EPHB1: variants seen among roughly 807,000 people sequenced by gnomAD.
EPHB1 encodes ephrin type-B receptor 1.
EPHB1 carries 30 observed loss-of-function variants against 94.4 expected under a neutral mutation model. The ratio of observed to expected loss-of-function variants is 0.32; its 90% confidence interval spans 0.24 to 0.43. The LOEUF (loss-of-function observed/expected upper bound fraction) is 0.43. Among genes scored for constraint, EPHB1 ranks in the 20% least tolerant of loss-of-function variants. The pLI is 1.00. For synonymous variants in EPHB1, 522 were observed against 489.1 expected (o/e 1.07, Z -0.89); for missense variants, 1,055 against 1,308.3 (o/e 0.81, Z 2.99).
rs878950816 is a variant in EPHB1 at position 134,810,242 on chromosome 3, A to G, written c.58+14553A>G. The stretch of plus-strand genomic sequence containing the variant: ...GTTTTTGGCAATTAACATTCTTTCC[A>G]TTCACGGGCTTGAAGCGTGGGTAGC... On this transcript the variant is annotated intron_variant, in intron 1 of 15. Coordinates refer to ENST00000398015, the MANE Select transcript of EPHB1 (RefSeq NM_004441.5). Among the ~76,000 whole-genome samples the G allele has an allele frequency of 2.0e-5, 3 of 151,146 alleles. No individual in the cohort carries two copies. In the East Asian group the frequency reaches 5.8e-4, roughly 29 times the overall value.
chr3:135,182,581 G>T (rs1406334721), intron 10 of EPHB1, among the ~76,000 whole-genome samples: 1 of 152,236 alleles, frequency 6.6e-6, no homozygotes, highest in East Asian at 1.9e-4. Context: ...TATGCAAAGA[G>T]CAGCATCCAG....
chr3:135,235,573 G>GAATA (rs1943631821), intron 12 of EPHB1, among the ~76,000 whole-genome samples: 1 of 152,164 alleles, frequency 6.6e-6, no homozygotes, highest in East Asian at 1.9e-4. Flanking sequence ...CGAGAAATTC[G>GAATA]AATAAATTAA....
chr3:135,076,199 G>A (rs1267187511), intron 3 of EPHB1, among the ~76,000 whole-genome samples: 3 of 145,298 alleles, frequency 2.1e-5, no homozygotes, highest in Non-Finnish European at 3.0e-5. Flanking sequence ...AATTGGATTC[G>A]AGAAAAATAT....
At chr3:135,213,559 G>A (rs1392401301) in intron 12 of EPHB1, among the ~76,000 whole-genome samples, 1 of 152,178 alleles carries the variant, frequency 6.6e-6, no homozygotes, top group East Asian at 1.9e-4. Flanking sequence ...TACCAGGAAA[G>A]GTGTCACATC....
rs201609946 is a variant in EPHB1 at position 134,951,326 on chromosome 3, A to G, written c.124-45A>G. The stretch of plus-strand genomic sequence containing the variant: ...GCCTATTTTTGTATTCTCACTCTCT[A>G]TTTTGTGTTTTTGCATGTGTGTGCC... On this transcript the variant is annotated intron_variant, in intron 2 of 15. Transcript: ENST00000398015. This position sits in a 1 kb window ranked among gnomAD's most constrained non-coding sequence, Gnocchi z 4.5. The G allele has an allele frequency of 1.3e-5, 20 of 1,482,170 alleles. No homozygotes were observed. Among genetic ancestry groups the G allele is most frequent in the Non-Finnish European group, 1.7e-5 (19 of 1,111,206 alleles). 91.8% of individuals were successfully genotyped at this position (1,482,170 alleles called of 1,614,324 possible).
intron 1 of EPHB1, among the ~76,000 whole-genome samples, chr3:134,924,226 G>T (rs978696389): frequency 4.6e-5 from 7 of 152,106 alleles, no homozygotes; most frequent in African/African-American, 1.4e-4. Flanking sequence ...AACTGTAAAA[G>T]AAAACCAAAT....
intron 12 of EPHB1, among the ~76,000 whole-genome samples, chr3:135,221,599 C>T (rs921984069): frequency 1.3e-5 from 2 of 152,098 alleles, no homozygotes; most frequent in African/African-American, 4.8e-5. Flanking sequence ...GAATGGTGGC[C>T]CCCTCAGCAG....
chr3:135,055,705 C>T (rs962413885), intron 3 of EPHB1, among the ~76,000 whole-genome samples: 5 of 152,098 alleles, frequency 3.3e-5, no homozygotes, highest in African/African-American at 1.2e-4. Context: ...TTGTTCACAC[C>T]CGGGGTTGTT....
intron 3 of EPHB1, among the ~76,000 whole-genome samples, chr3:135,014,789 G>T (rs1935738335): frequency 6.6e-6 from 1 of 152,300 alleles, no homozygotes; most frequent in East Asian, 1.9e-4. Flanking sequence ...ACAGAGCAAG[G>T]CCCTGGCATT....
chr3:135,050,257 A>C (rs1019032831), intron 3 of EPHB1, among the ~76,000 whole-genome samples: 1 of 152,154 alleles, frequency 6.6e-6, no homozygotes, highest in Non-Finnish European at 1.5e-5. Flanking sequence ...TAACCTTTTG[A>C]GTTAGACGTG....
At chr3:135,158,839 C>A (rs7620133) in intron 6 of EPHB1, among the ~76,000 whole-genome samples, 2,010 of 152,110 alleles carry the variant, frequency 0.013, 44 homozygotes, top group African/African-American at 0.039. Context: ...AATGATTAAA[C>A]GTTTATGGTT....
intron 12 of EPHB1, among the ~76,000 whole-genome samples, chr3:135,224,874 G>A (rs1439040427): frequency 6.6e-6 from 1 of 152,182 alleles, no homozygotes; most frequent in African/African-American, 2.4e-5. Flanking sequence ...TTTTACCTGA[G>A]AAGCTTTGGA....
At chr3:135,224,174 C>T (rs559134153) in intron 12 of EPHB1, among the ~76,000 whole-genome samples, 1 of 152,186 alleles carries the variant, frequency 6.6e-6, no homozygotes, top group South Asian at 2.1e-4. Context: ...AGAGCACATA[C>T]ACTCTAAGAT....
intron 1 of EPHB1, among the ~76,000 whole-genome samples, chr3:134,895,703 C>G (rs1000984247): frequency 6.6e-6 from 1 of 152,104 alleles, no homozygotes; most frequent in Non-Finnish European, 1.5e-5. Flanking sequence ...AAAAGCCACC[C>G]GAATGTTAAG....
At chr3:134,963,622 C>T (rs556517109) in intron 3 of EPHB1, among the ~76,000 whole-genome samples, 4 of 152,086 alleles carry the variant, frequency 2.6e-5, no homozygotes, top group Non-Finnish European at 5.9e-5. Flanking sequence ...TGATTATTAG[C>T]CTCATTTTTC....
intron 3 of EPHB1, among the ~76,000 whole-genome samples, chr3:135,052,884 A>C (rs1403971594): frequency 4.6e-5 from 5 of 108,264 alleles, no homozygotes; most frequent in African/African-American, 2.6e-4. Context: ...AAAAAAAAAA[A>C]AAAAAAATAT....
chr3:134,813,856 G>T (rs1293677671), intron 1 of EPHB1, among the ~76,000 whole-genome samples: 1 of 152,186 alleles, frequency 6.6e-6, no homozygotes, highest in East Asian at 1.9e-4. Context: ...GGCTGCAGTG[G>T]TACCATCAGG....
At chr3:135,185,755 T>A (rs1164882236) in intron 10 of EPHB1, among the ~76,000 whole-genome samples, 1 of 152,198 alleles carries the variant, frequency 6.6e-6, no homozygotes, top group Non-Finnish European at 1.5e-5. Flanking sequence ...GCCACTCTTG[T>A]TGCTATGGAA....
At chr3:135,147,687 C>T (rs536535248) in intron 5 of EPHB1, among the ~76,000 whole-genome samples, 1 of 152,328 alleles carries the variant, frequency 6.6e-6, no homozygotes, top group South Asian at 2.1e-4. Flanking sequence ...AGATGGCCTC[C>T]TCTTTGTATG....
Sources: allele counts gnomAD v4.1 joint callset (sites outside exome capture counted in the v4.1 genomes callset), GRCh38; gene constraint gnomAD v4.1.1; non-coding constraint Gnocchi (gnomAD v3.1); transcripts MANE v1.5; gene names NCBI Gene and HGNC (gene_info 2026-07-23, HGNC 2026-07-21).